The following COL22A1 variants were observed in gnomAD, a reference collection of about 807,000 sequenced individuals.
The protein encoded by COL22A1 is collagen alpha-1(XXII) chain.
In COL22A1, 221 loss-of-function variants were observed where a neutral mutation model predicts 248.9. The ratio of observed to expected loss-of-function variants is 0.89; its 90% CI spans 0.80 to 0.99. The LOEUF (loss-of-function observed/expected upper bound fraction) is 0.99, where lower values mean the gene tolerates loss of function less well. Among genes scored for constraint, COL22A1 ranks in the 50% least tolerant of loss-of-function variants. COL22A1 has a pLI of 0.00. For synonymous variants in COL22A1, 891 were observed against 793.4 expected, an observed-to-expected ratio of 1.12 and a Z score of -2.07; for missense variants, 2,240 against 2,179.0, an observed-to-expected ratio of 1.03 and a Z score of -0.56.
chr8:138,596,848 G>C lies in COL22A1; in HGVS notation c.4432+56C>G, dbSNP rs1817574575. The C allele has an allele frequency of 2.0e-6, 3 of 1,525,814 alleles. No individual in the cohort carries two copies. In the Admixed American group the frequency reaches 5.2e-5, roughly 26 times the overall value. The allele number at this position is 1,525,814 out of a possible 1,614,324, so 94.5% of individuals were successfully genotyped here. On this transcript the variant is annotated intron_variant, in intron 62 of 64. Coordinates refer to ENST00000303045, the MANE Select transcript of COL22A1 (RefSeq NM_152888.3). ...TGCAAAAGCATTCAAGGCTGAGTGA[G>C]AGAACTGCTTCCTGGGCTCTTCTCT...
intron 52 of COL22A1, among the ~76,000 whole-genome samples, chr8:138,622,331 C>G (rs1166954313): frequency 1.3e-5 from 2 of 152,180 alleles, no homozygotes; most frequent in South Asian, 2.1e-4. Context: ...GAAACTGAAG[C>G]TCATAGATGC....
At chr8:138,633,370 A>C (rs1263817567) in intron 49 of COL22A1, among the ~76,000 whole-genome samples, 2 of 152,152 alleles carry the variant, frequency 1.3e-5, no homozygotes, top group African/African-American at 4.8e-5. Context: ...ATCATCTAGC[A>C]TGAGAATAAT....
At chr8:138,791,269 A>T (rs1384386302) in intron 12 of COL22A1, among the ~76,000 whole-genome samples, 2 of 152,200 alleles carry the variant, frequency 1.3e-5, no homozygotes, top group Admixed American at 1.3e-4. Flanking sequence ...AGGAAGAATC[A>T]ATAACAGGAA....
intron 16 of COL22A1, among the ~76,000 whole-genome samples, chr8:138,764,332 G>A (rs1341362089): frequency 1.3e-5 from 2 of 152,234 alleles, no homozygotes; most frequent in Non-Finnish European, 2.9e-5. Flanking sequence ...GCTACCTGCG[G>A]AGTGGGTCTC....
At chr8:138,616,834 G>A in intron 54 of COL22A1, 80 bp downstream of exon 54, 2 of 1,534,468 alleles carry the variant, frequency 1.3e-6, no homozygotes, top group Non-Finnish European at 1.8e-6. Flanking sequence ...GCCATGGCCT[G>A]CAGGCTGCAA....
At chr8:138,633,608 G>A (rs545700413) in intron 49 of COL22A1, among the ~76,000 whole-genome samples, 33 of 152,260 alleles carry the variant, frequency 2.2e-4, no homozygotes, top group African/African-American at 2.9e-4. Flanking sequence ...ACAATTATTC[G>A]TGAATAAACT....
chr8:138,841,082 T>C (rs993037599), intron 4 of COL22A1, among the ~76,000 whole-genome samples: 1 of 152,164 alleles, frequency 6.6e-6, no homozygotes, highest in Non-Finnish European at 1.5e-5. Flanking sequence ...TTCTTCCTTC[T>C]TCCATCCATC....
chr8:138,637,875 C>A (rs1318030004), intron 47 of COL22A1, among the ~76,000 whole-genome samples: 1 of 150,408 alleles, frequency 6.6e-6, no homozygotes, highest in African/African-American at 2.4e-5. Context: ...CCATAACCAT[C>A]ATCACCATAA....
intron 45 of COL22A1, among the ~76,000 whole-genome samples, chr8:138,654,943 CTG>C (rs1479066993): frequency 6.6e-6 from 1 of 152,210 alleles, no homozygotes; most frequent in Non-Finnish European, 1.5e-5. Context: ...CATCACCTCA[CTG>C]AACCTGCGCT....
chr8:138,909,541 T>C (rs1044387229), intron 1 of COL22A1, among the ~76,000 whole-genome samples: 19 of 151,824 alleles, frequency 1.3e-4, no homozygotes, highest in Admixed American at 6.6e-4. Flanking sequence ...AGAGATGGTA[T>C]CAATTCTGAT....
At chr8:138,589,956 T>C (rs925008029) in intron 64 of COL22A1, among the ~76,000 whole-genome samples, 1 of 152,064 alleles carries the variant, frequency 6.6e-6, no homozygotes, top group African/African-American at 2.4e-5. Flanking sequence ...TTGAACCACA[T>C]ATTTGGATTA....
chr8:138,691,138 G>A (rs35026609), intron 35 of COL22A1, among the ~76,000 whole-genome samples: 20,593 of 152,250 alleles, frequency 0.14, 1,883 homozygotes, highest in Middle Eastern at 0.23. Context: ...TAAGGCACAG[G>A]GGTGTGGAGG....
chr8:138,739,133 T>A (rs1831359465), intron 22 of COL22A1, among the ~76,000 whole-genome samples: 1 of 152,170 alleles, frequency 6.6e-6, no homozygotes, highest in Admixed American at 6.5e-5. Flanking sequence ...CACATCTCCT[T>A]TGCTCAAAAC....
At chr8:138,616,995 C>G in intron 53 of COL22A1, 37 bp from the exon 54 acceptor site, 1 of 1,613,378 alleles carries the variant, frequency 6.2e-7, no homozygotes. Flanking sequence ...CATGATAGAG[C>G]AGGCTCTTGG....
At chr8:138,607,834 C>A in intron 57 of COL22A1, 102 bp downstream of exon 57, 1 of 1,138,608 alleles carries the variant, frequency 8.8e-7, no homozygotes. Flanking sequence ...TATGTCCCCA[C>A]CGATGCTTCT....
chr8:138,732,289 T>C (rs997060734), intron 23 of COL22A1, among the ~76,000 whole-genome samples: 1 of 152,238 alleles, frequency 6.6e-6, no homozygotes, highest in Non-Finnish European at 1.5e-5. Flanking sequence ...GAAGCGACAC[T>C]GTCAGGAGCA....
intron 22 of COL22A1, among the ~76,000 whole-genome samples, chr8:138,744,565 C>T (rs1339021179): frequency 6.6e-6 from 1 of 151,992 alleles, no homozygotes; most frequent in Non-Finnish European, 1.5e-5. Flanking sequence ...GATCTCATGC[C>T]CCAGGTATAA....
At chr8:138,763,043 G>A (rs1833622085) in intron 16 of COL22A1, among the ~76,000 whole-genome samples, 1 of 152,032 alleles carries the variant, frequency 6.6e-6, no homozygotes. Flanking sequence ...TGATTACCCT[G>A]GGGATGATAA....
chr8:138,771,708 G>A (rs1342075422), intron 16 of COL22A1, among the ~76,000 whole-genome samples: 1 of 152,214 alleles, frequency 6.6e-6, no homozygotes, highest in Non-Finnish European at 1.5e-5. Context: ...GAATGTGTTA[G>A]TTATGGACCG....
Sources: allele counts gnomAD v4.1 joint callset (sites outside exome capture counted in the v4.1 genomes callset), GRCh38; gene constraint gnomAD v4.1.1; transcripts MANE v1.5; gene names NCBI Gene and HGNC (gene_info 2026-07-23, HGNC 2026-07-21).